Variants in PDE10A observed in about 807,000 individuals in gnomAD.
The protein encoded by PDE10A is phosphodiesterase 10A.
Under a neutral mutation model 97.7 loss-of-function variants are expected in PDE10A, and 39 were observed. That is an observed-to-expected ratio of 0.40 (90% confidence interval 0.31 to 0.52). The LOEUF is 0.52. Ranked by LOEUF, PDE10A falls within the 20% of genes least tolerant of loss-of-function variation. The pLI is 0.56. For missense variants in PDE10A, 731 were observed against 1,047.8 expected (o/e 0.70, Z 4.17); for synonymous variants, 371 against 376.8 (o/e 0.98, Z 0.18).
At chr6:165,748,833 T>TGA (rs1554315957) in intron 1 of PDE10A, among the ~76,000 whole-genome samples, 37 of 152,000 alleles carry the variant, frequency 2.4e-4, no homozygotes, top group African/African-American at 8.7e-4. Flanking sequence ...TGTGTGTGTG[T>TGA]GATTTCACTC....
intron 1 of PDE10A, among the ~76,000 whole-genome samples, chr6:165,870,848 G>A (rs561370223): frequency 6.6e-5 from 10 of 152,330 alleles, no homozygotes; most frequent in Admixed American, 1.3e-4. Context: ...AAACAAGCCA[G>A]GCACAGAAAG....
chr6:165,881,526 T>G (rs1023341865), intron 1 of PDE10A, among the ~76,000 whole-genome samples: 2 of 150,990 alleles, frequency 1.3e-5, no homozygotes, highest in African/African-American at 2.4e-5. Context: ...CTCCTGAGGA[T>G]TAGCTGGGAC....
intron 1 of PDE10A, among the ~76,000 whole-genome samples, chr6:165,888,115 A>C (rs1157247207): frequency 6.6e-6 from 1 of 151,826 alleles, no homozygotes; most frequent in African/African-American, 2.4e-5. Context: ...TAATTCACAC[A>C]CCTTCTTACA....
rs1185413094 is a variant in PDE10A, at chr6:165,648,270, C to T, written c.865+13677G>A. Reference sequence around the variant, plus strand: ...CTCGTGATCCACCCACCTCGGCCTCCCAAAGTGCTGGGATTACAGGGGTGA... The same window carrying T: ...CTCGTGATCCACCCACCTCGGCCTCTCAAAGTGCTGGGATTACAGGGGTGA... On this transcript the variant is annotated intron_variant, in intron 1 of 21. Transcript: ENST00000539869. Among the ~76,000 whole-genome samples the T allele has an allele frequency of 5.3e-5, 8 of 152,286 alleles. No individual in the cohort carries two copies. The South Asian group carries it at 1.7e-3, about 32-fold the overall frequency.
chr6:165,903,498 G>A (rs962515640), intron 1 of PDE10A, among the ~76,000 whole-genome samples: 1 of 152,168 alleles, frequency 6.6e-6, no homozygotes, highest in African/African-American at 2.4e-5. Flanking sequence ...GCCACATATT[G>A]AGACTAGGAG....
rs151329465 is a variant in PDE10A, at chr6:165,782,122, T to C, written c.-615+205407A>G. ...AAGTTCTAATTAAAGTATGTTCACCTTGAATTCCTTAAATCAAAAGTTTCT... is the reference window on the plus strand; with the variant it reads ...AAGTTCTAATTAAAGTATGTTCACCCTGAATTCCTTAAATCAAAAGTTTCT... On this transcript the variant is annotated intron_variant, in intron 1 of 19. Coordinates refer to the PDE10A transcript ENST00000366882. Among the ~76,000 whole-genome samples the C allele has an allele frequency of 1.4e-3, 211 of 152,364 alleles. 1 individual carries two copies. Among genetic ancestry groups the C allele is most frequent in the African/African-American group, 4.9e-3 (202 of 41,590 alleles).
intron 1 of PDE10A, among the ~76,000 whole-genome samples, chr6:165,746,737 AT>A (rs1334320328): frequency 1.3e-5 from 2 of 152,250 alleles, no homozygotes; most frequent in African/African-American, 4.8e-5. Context: ...GAACACTTTC[AT>A]TTTGCCTATG....
chr6:165,768,853 C>A (rs926679318), intron 1 of PDE10A, among the ~76,000 whole-genome samples: 2 of 152,078 alleles, frequency 1.3e-5, no homozygotes, highest in Admixed American at 1.3e-4. Flanking sequence ...CTTTGTTATT[C>A]TCTAACTTTC....
intron 2 of PDE10A, among the ~76,000 whole-genome samples, chr6:165,540,454 T>A (rs1783364857): frequency 6.6e-6 from 1 of 152,184 alleles, no homozygotes; most frequent in Non-Finnish European, 1.5e-5. Context: ...ATAATTTAGA[T>A]AGGCTTGTCT....
intron 1 of PDE10A, among the ~76,000 whole-genome samples, chr6:165,650,637 C>G (rs1464066577): frequency 6.6e-6 from 1 of 152,156 alleles, no homozygotes; most frequent in Non-Finnish European, 1.5e-5. Context: ...TAGATGGTTT[C>G]CAATGTCCTA....
At chr6:165,829,824 G>A (rs558410201) in intron 1 of PDE10A, among the ~76,000 whole-genome samples, 4 of 152,266 alleles carry the variant, frequency 2.6e-5, no homozygotes, top group East Asian at 1.9e-4. Flanking sequence ...TATCAGACAC[G>A]GCTGGGCTCT....
intron 3 of PDE10A, among the ~76,000 whole-genome samples, chr6:165,480,657 TGA>T (rs1779553850): frequency 6.6e-6 from 1 of 152,066 alleles, no homozygotes; most frequent in South Asian, 2.1e-4. Context: ...CAGAACTGCC[TGA>T]GAGTGTAACC....
chr6:165,719,624 C>G (rs1454184839), intron 1 of PDE10A, among the ~76,000 whole-genome samples: 1 of 122,354 alleles, frequency 8.2e-6, no homozygotes, highest in Non-Finnish European at 1.9e-5. Context: ...AAGTGTGTGA[C>G]AGGTGTGCAA....
intron 18 of PDE10A, among the ~76,000 whole-genome samples, chr6:165,373,628 T>C (rs1438122814): frequency 6.6e-6 from 1 of 152,148 alleles, no homozygotes; most frequent in Admixed American, 6.5e-5. Context: ...TTTACACTGT[T>C]GGTGGGACTG....
chr6:165,430,410 G>T, intron 8 of PDE10A, 65 bp from the exon 9 acceptor site: 2 of 977,392 alleles, frequency 2.0e-6, no homozygotes, highest in Non-Finnish European at 3.2e-6. Flanking sequence ...AAAACTTCCA[G>T]AATACTAATT....
chr6:165,942,766 T>C (rs1783573842), intron 1 of PDE10A, among the ~76,000 whole-genome samples: 2 of 152,184 alleles, frequency 1.3e-5, no homozygotes, highest in Admixed American at 1.3e-4. Flanking sequence ...TGGTAGGTAT[T>C]TACGACAAGG....
intron 18 of PDE10A, among the ~76,000 whole-genome samples, chr6:165,347,427 A>C (rs1373856095): frequency 1.4e-4 from 22 of 152,186 alleles, no homozygotes; most frequent in Admixed American, 1.4e-3. Flanking sequence ...TAAAACCCTA[A>C]ATGTTACTTC....
At chr6:165,799,321 C>G (rs1162428542) in intron 1 of PDE10A, among the ~76,000 whole-genome samples, 1 of 152,302 alleles carries the variant, frequency 6.6e-6, no homozygotes. Flanking sequence ...GCTAGAGGAG[C>G]AGAGATTGGA....
At chr6:165,555,185 C>T (rs1196727657) in intron 1 of PDE10A, among the ~76,000 whole-genome samples, 3 of 152,152 alleles carry the variant, frequency 2.0e-5, no homozygotes, top group African/African-American at 4.8e-5. Context: ...GTGTTTGTAA[C>T]TCAAAGGATA....
Sources: gnomAD v4.1 joint callset for allele counts (sites outside exome capture counted in the v4.1 genomes callset) on GRCh38, gnomAD v4.1.1 for gene constraint, MANE v1.5 for transcripts, NCBI Gene and HGNC (gene_info 2026-07-23, HGNC 2026-07-21) for gene names.